Variants in RUVBL2 observed in about 807,000 individuals in gnomAD.
The protein encoded by RUVBL2 is ruvB-like 2.
Under a neutral mutation model 57.9 loss-of-function variants are expected in RUVBL2, and 9 were observed. The observed-to-expected ratio is 0.16, with a 90% CI of 0.09 to 0.27. The LOEUF is 0.27. Ranked by LOEUF, RUVBL2 falls within the 10% of genes least tolerant of loss-of-function variation. RUVBL2 has a pLI of 1.00. For missense variants in RUVBL2, 456 were observed against 669.6 expected (o/e 0.68, Z 3.52); for synonymous variants, 278 against 264.6 (o/e 1.05, Z -0.49).
chr19:49,014,889 G>C (rs1421303813), intron 12 of RUVBL2, 132 bp from the exon 13 acceptor site: 4 of 1,315,364 alleles, frequency 3.0e-6, no homozygotes, highest in South Asian at 1.5e-5. Context: ...TCTAGCCTCA[G>C]CATTCTATGG....
intron 8 of RUVBL2, 21 bp from the exon 9 acceptor site, chr19:49,010,467 T>TGCCCCCCCCCCCCC: frequency 2.9e-6 from 4 of 1,401,202 alleles, no homozygotes; most frequent in Non-Finnish European, 4.0e-6. Context: ...CCGCCGTTCT[T>TGCCCCCCCCCCCCC]CCCCCACCCC....
rs558092775 is a variant in RUVBL2, at chr19:49,015,049, G to A, written c.1150G>A (p.Glu384Lys). 6.2e-7 allele frequency: 1 copy of A among 1,606,970 alleles called. No homozygotes were observed. The highest frequency in any genetic ancestry group is 1.1e-5 in the South Asian group (1 of 89,738). ...CGAGGAAGAAGATGTGGAGATGAGT[G>A]AGGACGCCTACACGGTGCTGACCCG... is the stretch of plus-strand genomic sequence containing the variant. ...RCEEEDVEMS[E>K]DAYTVLTRIG... is the part of the protein sequence containing the mutation. The change falls in exon 13 of 15, where the codon GAG becomes AAG. Residue 384 changes from glutamate (E) to lysine (K), a missense_variant. Physicochemically the swap from Glu to Lys is moderately conservative, Grantham distance 56. This residue lies in a region of RUVBL2 where 130 missense variants were observed against 243.0 expected (regional missense o/e 0.53). Coordinates refer to ENST00000595090, the MANE Select transcript of RUVBL2 (RefSeq NM_006666.3).
In RUVBL2 at chr19:49,015,063, G is replaced by A. The variant is rs375451888; in HGVS notation, c.1164G>A (p.Thr388=). The change falls in exon 13 of 15, where the codon ACG becomes ACA. Residue 388 remains threonine (T), a synonymous_variant. Coordinates refer to ENST00000595090, the MANE Select transcript of RUVBL2 (RefSeq NM_006666.3). ...EDVEMSEDAY[T]VLTRIGLETS... is the part of the protein sequence containing the mutation. ...TGGAGATGAGTGAGGACGCCTACACGGTGCTGACCCGCATCGGGCTGGAGA... is the reference window on the plus strand; with the variant it reads ...TGGAGATGAGTGAGGACGCCTACACAGTGCTGACCCGCATCGGGCTGGAGA... 55 of 1,608,416 alleles carry A rather than the reference G, an allele frequency of 3.4e-5. No individual in the cohort carries two copies. The highest frequency in any genetic ancestry group is 2.2e-4 in the Admixed American group (13 of 59,784).
intron 6 of RUVBL2, among the ~76,000 whole-genome samples, chr19:49,008,167 G>A (rs1171803253): frequency 6.6e-6 from 1 of 150,760 alleles, no homozygotes; most frequent in Non-Finnish European, 1.5e-5. Flanking sequence ...TCGGGCCTAT[G>A]TTGTTTTTGA....
At chr19:49,007,211 C>T (rs965970277) in intron 5 of RUVBL2, 64 bp downstream of exon 5, 14 of 1,607,606 alleles carry the variant, frequency 8.7e-6, no homozygotes, top group Admixed American at 3.3e-5. Context: ...GCACCCCGGG[C>T]GGCTCGTCCT....
At chr19:49,015,351 G>T in intron 13 of RUVBL2, 1 of 733,634 alleles carries the variant, frequency 1.4e-6, no homozygotes. Flanking sequence ...AGTAGATGCT[G>T]TTAGGTCCAC....
intron 3 of RUVBL2, 58 bp downstream of exon 3, chr19:49,003,392 T>C (rs2039221130): frequency 6.6e-7 from 1 of 1,519,210 alleles, no homozygotes; most frequent in Non-Finnish European, 9.1e-7. Context: ...GGGTAGTGGG[T>C]ACCCAGGGTC....
intron 11 of RUVBL2, among the ~76,000 whole-genome samples, chr19:49,013,280 T>TG (rs1175759274): frequency 6.6e-6 from 1 of 150,966 alleles, no homozygotes; most frequent in Non-Finnish European, 1.5e-5. Flanking sequence ...TTTTTTTTTT[T>TG]GTAGAGATGG....
chr19:48,994,020 G>A (rs3764619), intron 1 of RUVBL2, 97 bp downstream of exon 1: 113,371 of 1,457,156 alleles, frequency 0.078, 4,964 homozygotes, highest in Admixed American at 0.14. Context: ...CTGAGGGAGG[G>A]GGGATCTGGG....
chr19:49,014,400 C>A, intron 11 of RUVBL2, 84 bp from the exon 12 acceptor site: 1 of 1,508,108 alleles, frequency 6.6e-7, no homozygotes, highest in South Asian at 1.2e-5. Context: ...GAGTGGGTGG[C>A]GATGGGAGGT....
Position 49,011,832 on chromosome 19 carries a change from C to G in RUVBL2, c.1001+522C>G, listed in dbSNP as rs2039435136. 8.5e-6 allele frequency among the ~76,000 whole-genome samples: 1 copy of G among 118,140 alleles called. No individual in the cohort carries two copies. Among genetic ancestry groups the G allele is most frequent in the Non-Finnish European group, 2.0e-5 (1 of 49,244 alleles). The allele number at this position is 118,140 out of a possible 152,430, so 77.5% of individuals were successfully genotyped here. On this transcript the variant is annotated intron_variant, in intron 11 of 14. Transcript: ENST00000595090. The surrounding 1 kb of genome is among the most constrained non-coding windows in gnomAD (Gnocchi z 4.4). ...GCCAGCACCCTGTGCACGGGGAACTCTTAATGTTGTGTTTGGCCTGAGGAT... is the reference window on the plus strand; with the variant it reads ...GCCAGCACCCTGTGCACGGGGAACTGTTAATGTTGTGTTTGGCCTGAGGAT...
chr19:49,010,390 TG>T, intron 8 of RUVBL2, 97 bp from the exon 9 acceptor site: 2 of 1,227,636 alleles, frequency 1.6e-6, no homozygotes, highest in Non-Finnish European at 2.4e-6. Context: ...CTCCATTTCC[TG>T]GAGCTCCAGT....
rs2039390471 is a variant in RUVBL2, at chr19:49,010,403, T to C, written c.664-85T>C. 2.3e-6 allele frequency: 3 copies of C among 1,312,636 alleles called. No individual in the cohort carries two copies. In the Admixed American group the frequency reaches 5.7e-5, roughly 25 times the overall value. 81.3% of individuals were successfully genotyped at this position (1,312,636 alleles called of 1,614,324 possible). ...AGCTCCATTTCCTGGAGCTCCAGTC[T>C]CCCCCAGACAGAGGGCTTTAGGGGC... On this transcript the variant is annotated intron_variant, in intron 8 of 14. Transcript: ENST00000595090.
chr19:49,015,812 C>G lies in RUVBL2; in HGVS notation c.1367-5C>G, dbSNP rs1485625778. ...CTGACCATGTGGCCTTCCTTCTCCC[C>G]ACAGAAGGCGAGACCATGGACACCT... On this transcript the variant is annotated splice_region_variant and splice_polypyrimidine_tract_variant and intron_variant, in intron 14 of 14. Coordinates refer to ENST00000595090, the MANE Select transcript of RUVBL2 (RefSeq NM_006666.3). The G allele has an allele frequency of 2.2e-5, 36 of 1,614,008 alleles. No individual in the cohort carries two copies. The highest frequency in any genetic ancestry group is 1.6e-4 in the Middle Eastern group (1 of 6,084).
rs1232457303 is a variant in RUVBL2, at chr19:49,014,524, A to G, written c.1042A>G (p.Ile348Val). The change falls in exon 12 of 15, where the codon ATA becomes GTA. Residue 348 changes from isoleucine to valine, a missense_variant. Ile to Val is a conservative substitution (Grantham distance 29). This residue lies in a region of RUVBL2 where 130 missense variants were observed against 243.0 expected (regional missense o/e 0.53). Transcript: ENST00000595090. ...TSYQSPHGIPIDLLDRLLIVS... is the reference protein window; with the variant it reads ...TSYQSPHGIPVDLLDRLLIVS... ...CTACCAGAGCCCTCACGGCATCCCC[A>G]TAGACCTGCTGGACCGGCTGCTTAT... 1.9e-6 allele frequency: 3 copies of G among 1,613,960 alleles called. No individual in the cohort carries two copies. Among genetic ancestry groups the G allele is most frequent in the Middle Eastern group, 3.3e-4 (2 of 6,084 alleles).
At position 49,010,073 on chromosome 19, in the gene RUVBL2, C is replaced by T; in HGVS notation, c.663+7C>T. On this transcript the variant is annotated splice_region_variant and intron_variant, in intron 8 of 14. Coordinates refer to ENST00000595090, the MANE Select transcript of RUVBL2 (RefSeq NM_006666.3). Reference sequence around the variant, plus strand: ...CGACGCTATGGGCTCCCAGGTGCGGCCGGGACTCCCGGGATCCCCTCGCCC... The same window carrying T: ...CGACGCTATGGGCTCCCAGGTGCGGTCGGGACTCCCGGGATCCCCTCGCCC... 2 of 1,604,604 alleles carry T rather than the reference C, an allele frequency of 1.2e-6. No homozygotes were observed. Among genetic ancestry groups the T allele is most frequent in the South Asian group, 1.1e-5 (1 of 90,124 alleles).
At chr19:49,014,127 C>T (rs2039492244) in intron 11 of RUVBL2, among the ~76,000 whole-genome samples, 1 of 152,310 alleles carries the variant, frequency 6.6e-6, no homozygotes, top group Admixed American at 6.5e-5. Flanking sequence ...TGACTGTATC[C>T]CCTGGCACCA....
At chr19:49,010,320 C>T (rs1600190803) in intron 8 of RUVBL2, 168 bp from the exon 9 acceptor site, 3 of 741,092 alleles carry the variant, frequency 4.0e-6, no homozygotes, top group East Asian at 2.7e-5. Context: ...TCTGGAATGT[C>T]CCTAGTCCTG....
At chr19:48,999,195 C>G in intron 1 of RUVBL2, 124 bp from the exon 2 acceptor site, 1 of 1,015,038 alleles carries the variant, frequency 9.9e-7, no homozygotes, top group South Asian at 1.3e-5. Flanking sequence ...GTGACTGGTG[C>G]CTGTCCCATC....
Sources: gnomAD v4.1 joint callset for allele counts (sites outside exome capture counted in the v4.1 genomes callset) on GRCh38, gnomAD v4.1.1 for gene constraint, gnomAD v4.1.1 regional missense constraint, Gnocchi (gnomAD v3.1) non-coding constraint, MANE v1.5 for transcripts, NCBI Gene and HGNC (gene_info 2026-07-23, HGNC 2026-07-21) for gene names.